The following SSBP2 variants were observed in gnomAD, a reference collection of about 807,000 sequenced individuals.
SSBP2 encodes the protein single stranded DNA binding protein 2.
Under a neutral mutation model 61.8 loss-of-function variants are expected in SSBP2, and 17 were observed. That is an observed-to-expected ratio of 0.28 (90% confidence interval 0.19 to 0.41). The LOEUF (loss-of-function observed/expected upper bound fraction) is 0.41. Among genes scored for constraint, SSBP2 ranks in the 10% least tolerant of loss-of-function variants. The pLI, the probability that SSBP2 is intolerant of heterozygous loss-of-function variation, is 1.00. For synonymous variants in SSBP2, 139 were observed against 141.3 expected (o/e 0.98, Z 0.12); for missense variants, 310 against 458.7 (o/e 0.68, Z 2.96).
chr5:81,478,584 G>A (rs779684942), intron 6 of SSBP2, among the ~76,000 whole-genome samples: 37 of 152,102 alleles, frequency 2.4e-4, no homozygotes, highest in South Asian at 1.5e-3. Flanking sequence ...TCATCGGCCC[G>A]TCTCAGCCTC....
At chr5:81,489,814 A>T (rs760820020) in intron 5 of SSBP2, among the ~76,000 whole-genome samples, 1 of 152,154 alleles carries the variant, frequency 6.6e-6, no homozygotes, top group Non-Finnish European at 1.5e-5. Context: ...GGTCATCTGT[A>T]GTCAAAAAAG....
chr5:81,559,463 G>C (rs1303341114), intron 4 of SSBP2, among the ~76,000 whole-genome samples: 1 of 151,798 alleles, frequency 6.6e-6, no homozygotes, highest in Non-Finnish European at 1.5e-5. Context: ...GCTGAGGCAG[G>C]AGAATAACTT....
At chr5:81,647,887 C>T (rs1749403082) in intron 2 of SSBP2, among the ~76,000 whole-genome samples, 27 of 152,044 alleles carry the variant, frequency 1.8e-4, no homozygotes, top group Admixed American at 1.8e-3. Context: ...TTGCTTAATC[C>T]ACATAATGCA....
chr5:81,688,847 AG>A (rs902710030), intron 1 of SSBP2, among the ~76,000 whole-genome samples: 2 of 152,196 alleles, frequency 1.3e-5, no homozygotes, highest in African/African-American at 4.8e-5. Flanking sequence ...AAGGCCATCC[AG>A]GAAAACACAA....
At chr5:81,614,773 C>A (rs1343177961) in intron 4 of SSBP2, among the ~76,000 whole-genome samples, 1 of 152,122 alleles carries the variant, frequency 6.6e-6, no homozygotes, top group Non-Finnish European at 1.5e-5. Flanking sequence ...CTAGCCCCTT[C>A]ATAATACCAT....
intron 10 of SSBP2, among the ~76,000 whole-genome samples, chr5:81,456,560 C>T (rs994392848): frequency 1.3e-5 from 2 of 148,882 alleles, no homozygotes; most frequent in Admixed American, 6.7e-5. Context: ...TGATAATGAT[C>T]AGAACTTGTA....
chr5:81,542,838 TC>T (rs1771397885), intron 4 of SSBP2, among the ~76,000 whole-genome samples: 2 of 150,942 alleles, frequency 1.3e-5, no homozygotes, highest in Non-Finnish European at 2.9e-5. Context: ...TCTCTCTCTC[TC>T]TCTCTCTCTC....
chr5:81,709,935 C>A (rs1685552014), intron 1 of SSBP2, among the ~76,000 whole-genome samples: 1 of 151,892 alleles, frequency 6.6e-6, no homozygotes, highest in South Asian at 2.1e-4. Flanking sequence ...AGAAGCATAT[C>A]AGGAGAAGAA....
chr5:81,445,691 G>T (rs1408419191), intron 12 of SSBP2, among the ~76,000 whole-genome samples: 1 of 151,946 alleles, frequency 6.6e-6, no homozygotes, highest in Non-Finnish European at 1.5e-5. Context: ...ATTTTTATTG[G>T]TATGATCAAT....
At chr5:81,510,533 C>A (rs958027858) in intron 5 of SSBP2, among the ~76,000 whole-genome samples, 1 of 152,020 alleles carries the variant, frequency 6.6e-6, no homozygotes, top group Non-Finnish European at 1.5e-5. Flanking sequence ...GAGGCCAAGG[C>A]GGGCAGATAA....
intron 1 of SSBP2, chr5:81,750,582 TC>T (rs1256389996): frequency 1.1e-5 from 2 of 174,768 alleles, no homozygotes; most frequent in Non-Finnish European, 2.4e-5. Context: ...CTGCGCGCCT[TC>T]CTCCACGCAG....
chr5:81,426,018 T>C (rs537092335), intron 16 of SSBP2, among the ~76,000 whole-genome samples: 23 of 152,370 alleles, frequency 1.5e-4, no homozygotes, highest in Admixed American at 2.6e-4. Context: ...GTTATGTGTA[T>C]TAAACACTAG....
At chr5:81,500,412 C>G (rs942381456) in intron 5 of SSBP2, among the ~76,000 whole-genome samples, 1 of 151,938 alleles carries the variant, frequency 6.6e-6, no homozygotes, top group Admixed American at 6.6e-5. Context: ...CGGAGTTTCA[C>G]CATATTGACC....
At chr5:81,714,927 T>A (rs2153951256) in intron 1 of SSBP2, among the ~76,000 whole-genome samples, 1 of 151,664 alleles carries the variant, frequency 6.6e-6, no homozygotes, top group African/African-American at 2.4e-5. Context: ...GTGAAAGAAC[T>A]GGATTTTTTT....
intron 1 of SSBP2, chr5:81,750,714 A>G: frequency 2.0e-6 from 1 of 505,270 alleles, no homozygotes; most frequent in East Asian, 3.6e-5. Context: ...ACAAGTTTCC[A>G]TCCTCGCCAC....
chr5:81,506,496 T>C (rs1033673872), intron 5 of SSBP2, among the ~76,000 whole-genome samples: 1 of 152,170 alleles, frequency 6.6e-6, no homozygotes, highest in Non-Finnish European at 1.5e-5. Context: ...TTATCTAAGA[T>C]CTAAGATGGT....
intron 1 of SSBP2, among the ~76,000 whole-genome samples, chr5:81,735,379 G>A (rs1030490128): frequency 3.9e-5 from 6 of 152,062 alleles, no homozygotes; most frequent in African/African-American, 1.2e-4. Context: ...ATTTGTTCCA[G>A]GGTCACCCCC....
At chr5:81,557,251 C>T (rs780812084) in intron 4 of SSBP2, among the ~76,000 whole-genome samples, 5 of 152,134 alleles carry the variant, frequency 3.3e-5, no homozygotes, top group Non-Finnish European at 5.9e-5. Flanking sequence ...GACTTTTCTA[C>T]AGGCTGCTTT....
intron 1 of SSBP2, among the ~76,000 whole-genome samples, chr5:81,718,258 T>C (rs912489191): frequency 1.3e-5 from 2 of 152,132 alleles, no homozygotes; most frequent in African/African-American, 4.8e-5. Context: ...TTTTTCATTG[T>C]AGCTATAATA....
Sources: allele counts gnomAD v4.1 joint callset (sites outside exome capture counted in the v4.1 genomes callset), GRCh38; gene constraint gnomAD v4.1.1; transcripts MANE v1.5; gene names NCBI Gene and HGNC (gene_info 2026-07-23, HGNC 2026-07-21).